The following UNC13C variants were observed in gnomAD, a reference collection of about 807,000 sequenced individuals.
UNC13C encodes the protein protein unc-13 homolog C.
UNC13C carries 174 observed loss-of-function variants against 245.4 expected under a neutral mutation model. The observed-to-expected ratio is 0.71, with a 90% CI of 0.63 to 0.80. The LOEUF (loss-of-function observed/expected upper bound fraction) is 0.80, where lower values mean the gene tolerates loss of function less well. Ranked by LOEUF, UNC13C falls within the 30% of genes least tolerant of loss-of-function variation. The probability of loss-of-function intolerance (pLI) is 0.00; values close to 1 mark genes in which losing one functional copy is unlikely to be tolerated. For missense variants in UNC13C, 2,829 were observed against 2,602.9 expected (o/e 1.09, Z -1.89); for synonymous variants, 992 against 895.1 (o/e 1.11, Z -1.93).
At chr15:54,371,780 C>A (rs1188564925) in intron 17 of UNC13C, among the ~76,000 whole-genome samples, 2 of 151,946 alleles carry the variant, frequency 1.3e-5, no homozygotes, top group African/African-American at 4.8e-5. Context: ...GAGGGAAATC[C>A]TGTCATTTGT....
At chr15:54,170,130 C>T (rs1035117533) in intron 4 of UNC13C, among the ~76,000 whole-genome samples, 1 of 151,320 alleles carries the variant, frequency 6.6e-6, no homozygotes, top group African/African-American at 2.4e-5. Flanking sequence ...CAGATAAGAC[C>T]TTACTCTCAC....
At chr15:53,969,224 A>G in the UNC13C span, among the ~76,000 whole-genome samples, 1 of 152,298 alleles carries the variant, frequency 6.6e-6, no homozygotes, top group Non-Finnish European at 1.5e-5. Flanking sequence ...TATGTCTAAA[A>G]GAGACAAGAG....
chr15:54,021,029 TA>T (rs1276531133), intron 2 of UNC13C, among the ~76,000 whole-genome samples: 4 of 152,250 alleles, frequency 2.6e-5, no homozygotes, highest in South Asian at 2.1e-4. Flanking sequence ...CTTGTTTTTT[TA>T]ATTGACATTT....
At chr15:54,597,602 A>G (rs1899164317) in intron 30 of UNC13C, among the ~76,000 whole-genome samples, 1 of 151,884 alleles carries the variant, frequency 6.6e-6, no homozygotes, top group African/African-American at 2.4e-5. Flanking sequence ...TGTGTAAAAC[A>G]TAATAATTAC....
chr15:53,872,722 G>T, the UNC13C span, among the ~76,000 whole-genome samples: 1 of 152,072 alleles, frequency 6.6e-6, no homozygotes, highest in Admixed American at 6.6e-5. Context: ...CAATGTTCTT[G>T]TTACTTTCAG....
chr15:54,075,800 A>T (rs906776467), intron 2 of UNC13C, among the ~76,000 whole-genome samples: 14 of 150,630 alleles, frequency 9.3e-5, no homozygotes, highest in Non-Finnish European at 1.9e-4. Context: ...GCTCATATTT[A>T]GAAAACATTC....
chr15:54,061,160 G>GA (rs1352340789), intron 2 of UNC13C, among the ~76,000 whole-genome samples: 3 of 149,044 alleles, frequency 2.0e-5, no homozygotes, highest in African/African-American at 7.4e-5. Flanking sequence ...AAATAAAAAA[G>GA]ACAAAAAAAA....
intron 2 of UNC13C, among the ~76,000 whole-genome samples, chr15:54,114,839 G>T (rs568796544): frequency 2.0e-5 from 3 of 152,040 alleles, no homozygotes; most frequent in Admixed American, 1.3e-4. Context: ...TAAGAATGTG[G>T]TAGTCTCAGG....
chr15:53,869,144 A>G, the UNC13C span, among the ~76,000 whole-genome samples: 1 of 152,158 alleles, frequency 6.6e-6, no homozygotes, highest in East Asian at 1.9e-4. Context: ...TTGATAATCC[A>G]TCATTTTGGA....
intron 2 of UNC13C, among the ~76,000 whole-genome samples, chr15:54,093,980 G>T (rs1258286836): frequency 2.7e-5 from 1 of 36,960 alleles, no homozygotes; most frequent in Non-Finnish European, 5.8e-5. Flanking sequence ...ACCAACTGGT[G>T]TGCATTGAAA....
At chr15:53,939,946 G>T in the UNC13C span, among the ~76,000 whole-genome samples, 1 of 152,116 alleles carries the variant, frequency 6.6e-6, no homozygotes, top group Non-Finnish European at 1.5e-5. Flanking sequence ...AGATCCTGGG[G>T]TCGTTTGTTG....
chr15:54,134,280 T>TG (rs1288705428), intron 2 of UNC13C, among the ~76,000 whole-genome samples: 2 of 151,562 alleles, frequency 1.3e-5, no homozygotes, highest in African/African-American at 4.8e-5. Flanking sequence ...CAGTTTTTTT[T>TG]TTTGTGAGAT....
chr15:54,629,396 C>A (rs528656850), downstream of UNC13C: 1 of 151,956 alleles, frequency 6.6e-6, no homozygotes, highest in Non-Finnish European at 1.5e-5. Flanking sequence ...AATTTACCTA[C>A]GTAATAAACC....
At chr15:53,902,930 G>T in the UNC13C span, among the ~76,000 whole-genome samples, 1 of 152,170 alleles carries the variant, frequency 6.6e-6, no homozygotes, top group Non-Finnish European at 1.5e-5. Flanking sequence ...AGAAGTAGAA[G>T]CTTCAAAGGG....
intron 10 of UNC13C, among the ~76,000 whole-genome samples, chr15:54,273,759 A>C (rs1481209833): frequency 6.6e-6 from 1 of 152,148 alleles, no homozygotes; most frequent in East Asian, 1.9e-4. Context: ...TCCGAAAACT[A>C]AAATGCCAAT....
chr15:54,385,553 C>A (rs920128008), intron 17 of UNC13C, among the ~76,000 whole-genome samples: 1 of 148,322 alleles, frequency 6.7e-6, no homozygotes, highest in Non-Finnish European at 1.5e-5. Context: ...TGGGTTGTGG[C>A]GAGGGTTGGA....
At chr15:53,926,057 A>G in the UNC13C span, among the ~76,000 whole-genome samples, 1 of 152,146 alleles carries the variant, frequency 6.6e-6, no homozygotes, top group Non-Finnish European at 1.5e-5. Context: ...TAATGAATGC[A>G]TTTGGCCAGG....
intron 17 of UNC13C, among the ~76,000 whole-genome samples, chr15:54,392,599 A>G (rs2039980861): frequency 6.6e-6 from 1 of 151,848 alleles, no homozygotes; most frequent in Non-Finnish European, 1.5e-5. Context: ...TGTAACTTTG[A>G]GCAAAATATT....
At position 54,177,568 on chromosome 15, in the gene UNC13C, A is replaced by G. The variant is rs190087307; in HGVS notation, c.3071+33884A>G. Reference sequence around the variant, plus strand: ...GTGGAAAGGAATACCAGAATAAAACAAGCAAAGCTTTATTTTTCTCTTTGC... The same window carrying G: ...GTGGAAAGGAATACCAGAATAAAACGAGCAAAGCTTTATTTTTCTCTTTGC... On this transcript the variant is annotated intron_variant, in intron 4 of 32. Transcript: ENST00000260323. Among the ~76,000 whole-genome samples, 33 of 152,268 alleles carry G rather than the reference A, an allele frequency of 2.2e-4. 2 individuals are homozygous for G. In the East Asian group the frequency reaches 6.2e-3, roughly 28 times the overall value.
Sources: gnomAD v4.1 joint callset for allele counts (sites outside exome capture counted in the v4.1 genomes callset) on GRCh38, gnomAD v4.1.1 for gene constraint, MANE v1.5 for transcripts, NCBI Gene and HGNC (gene_info 2026-07-23, HGNC 2026-07-21) for gene names.